The following ACBD6 variants were observed in gnomAD, a reference collection of about 807,000 sequenced individuals.
The protein encoded by ACBD6 is acyl-CoA binding domain containing 6, also known as acyl-CoA-binding domain-containing protein 6.
ACBD6 carries 28 observed loss-of-function variants against 37.2 expected under a neutral mutation model. That is an observed-to-expected ratio of 0.75 (90% CI 0.56 to 1.03). The LOEUF (loss-of-function observed/expected upper bound fraction) is 1.03. Among genes scored for constraint, ACBD6 ranks in the 50% least tolerant of loss-of-function variants. ACBD6 has a pLI of 0.00. For missense variants in ACBD6, 340 were observed against 337.4 expected (o/e 1.01, Z -0.06); for synonymous variants, 113 against 126.8 (o/e 0.89, Z 0.73).
chr1:180,480,388 T>TA (rs1650982625), intron 3 of ACBD6, among the ~76,000 whole-genome samples: 1 of 152,302 alleles, frequency 6.6e-6, no homozygotes, highest in South Asian at 2.1e-4. Context: ...ACTTGGTAAC[T>TA]AATTAAATAG....
chr1:180,324,296 T>C (rs187027200), intron 6 of ACBD6, among the ~76,000 whole-genome samples: 1 of 152,264 alleles, frequency 6.6e-6, no homozygotes, highest in Non-Finnish European at 1.5e-5. Flanking sequence ...CTCTTTCTTC[T>C]TTCCTTGCTT....
chr1:180,487,139 G>C (rs934481553), intron 3 of ACBD6, among the ~76,000 whole-genome samples: 1 of 151,766 alleles, frequency 6.6e-6, no homozygotes, highest in African/African-American at 2.4e-5. Flanking sequence ...AATTATGAAG[G>C]GCATTATTAA....
chr1:180,454,105 C>T (rs892091594), intron 3 of ACBD6, among the ~76,000 whole-genome samples: 4 of 152,112 alleles, frequency 2.6e-5, no homozygotes, highest in Non-Finnish European at 5.9e-5. Flanking sequence ...GGAGGCATCA[C>T]GCTACCTGAC....
At chr1:180,305,413 C>A (rs1650313680) in intron 7 of ACBD6, among the ~76,000 whole-genome samples, 2 of 151,902 alleles carry the variant, frequency 1.3e-5, no homozygotes, top group South Asian at 4.2e-4. Flanking sequence ...AGAAAAAAAA[C>A]AAACAACCCC....
At chr1:180,424,072 T>C (rs4420052) in intron 4 of ACBD6, among the ~76,000 whole-genome samples, 73,832 of 151,948 alleles carry the variant, frequency 0.49, 20,764 homozygotes, top group South Asian at 0.66. Flanking sequence ...CCATATTAAA[T>C]AGTAACAACT....
At chr1:180,415,557 CTG>C (rs1409427521) in intron 4 of ACBD6, among the ~76,000 whole-genome samples, 1 of 152,176 alleles carries the variant, frequency 6.6e-6, no homozygotes, top group African/African-American at 2.4e-5. Context: ...ACAGAAAGAA[CTG>C]TGTCTTTTAA....
At chr1:180,441,723 TATG>T (rs1340598270) in intron 3 of ACBD6, among the ~76,000 whole-genome samples, 1 of 152,124 alleles carries the variant, frequency 6.6e-6, no homozygotes, top group Non-Finnish European at 1.5e-5. Flanking sequence ...ATGCTGATCT[TATG>T]ATCTTATATC....
intron 6 of ACBD6, among the ~76,000 whole-genome samples, chr1:180,357,843 T>C (rs970376175): frequency 6.6e-6 from 1 of 152,190 alleles, no homozygotes; most frequent in African/African-American, 2.4e-5. Flanking sequence ...TGCTAGAGAC[T>C]TGATGCTCTT....
At chr1:180,355,690 T>C (rs1299147581) in intron 6 of ACBD6, among the ~76,000 whole-genome samples, 1 of 152,156 alleles carries the variant, frequency 6.6e-6, no homozygotes, top group Non-Finnish European at 1.5e-5. Context: ...CCTAATCCAC[T>C]AACTCCTACA....
At position 180,341,586 on chromosome 1, in the gene ACBD6, T is replaced by C. The variant is rs532663161; in HGVS notation, c.664-26864A>G. Among the ~76,000 whole-genome samples the C allele has an allele frequency of 2.6e-5, 4 of 152,200 alleles. No homozygotes were observed. The East Asian group carries it at 7.7e-4, about 29-fold the overall frequency. On this transcript the variant is annotated intron_variant, in intron 6 of 7. Coordinates refer to ENST00000367595, the MANE Select transcript of ACBD6 (RefSeq NM_032360.4). The stretch of plus-strand genomic sequence containing the variant: ...CCTTAACCATCCCTCTAATGCCCCA[T>C]TTCTCTCCTCTTTACAGCAAAATTC...
chr1:180,493,554 T>C (rs983451732), intron 2 of ACBD6, among the ~76,000 whole-genome samples: 7 of 152,200 alleles, frequency 4.6e-5, no homozygotes, highest in Non-Finnish European at 1.0e-4. Context: ...ATAATATCTT[T>C]CTGAGGTTTT....
chr1:180,473,536 CTCTA>C (rs1369094488), intron 3 of ACBD6, among the ~76,000 whole-genome samples: 1 of 151,526 alleles, frequency 6.6e-6, no homozygotes, highest in Non-Finnish European at 1.5e-5. Context: ...TTTAAAATGT[CTCTA>C]TCTAACTTTG....
At chr1:180,386,222 G>A (rs545968454) in intron 6 of ACBD6, among the ~76,000 whole-genome samples, 1 of 152,274 alleles carries the variant, frequency 6.6e-6, no homozygotes, top group Non-Finnish European at 1.5e-5. Flanking sequence ...TAAGTTAGGT[G>A]TATTAAGTGT....
intron 6 of ACBD6, among the ~76,000 whole-genome samples, chr1:180,326,049 C>G (rs548189799): frequency 5.3e-5 from 8 of 152,192 alleles, no homozygotes; most frequent in African/African-American, 1.9e-4. Context: ...TTACTCAAGG[C>G]CCTAGGGCTC....
chr1:180,358,278 T>C (rs1652703937), intron 6 of ACBD6, among the ~76,000 whole-genome samples: 1 of 152,068 alleles, frequency 6.6e-6, no homozygotes, highest in African/African-American at 2.4e-5. Context: ...AATACAAACA[T>C]TAGCTGGGCA....
intron 10 of ACBD6, chr1:180,274,597 C>A (rs1468744404): frequency 6.5e-7 from 1 of 1,543,072 alleles, no homozygotes; most frequent in South Asian, 1.2e-5. Flanking sequence ...TCCTCCCCAC[C>A]CTACCTGCCC....
chr1:180,322,411 A>G (rs1238468409), intron 6 of ACBD6, among the ~76,000 whole-genome samples: 1 of 151,936 alleles, frequency 6.6e-6, no homozygotes, highest in Admixed American at 6.5e-5. Flanking sequence ...ATTTTTTTGG[A>G]ATAGTTTGAG....
intron 4 of ACBD6, among the ~76,000 whole-genome samples, chr1:180,416,141 C>T (rs549013864): frequency 6.6e-6 from 1 of 152,224 alleles, no homozygotes; most frequent in African/African-American, 2.4e-5. Flanking sequence ...TATCCAATCC[C>T]ACACCAAATT....
intron 7 of ACBD6, among the ~76,000 whole-genome samples, chr1:180,314,130 T>C (rs16855749): frequency 0.051 from 7,756 of 152,264 alleles, 643 homozygotes; most frequent in African/African-American, 0.17. Context: ...GAACTAAGAA[T>C]GAAATAATGA....
Sources: allele counts gnomAD v4.1 joint callset (sites outside exome capture counted in the v4.1 genomes callset), GRCh38; gene constraint gnomAD v4.1.1; transcripts MANE v1.5; gene names NCBI Gene and HGNC (gene_info 2026-07-23, HGNC 2026-07-21).